The following RAP1GAP2 variants were observed in gnomAD, a reference collection of about 807,000 sequenced individuals.
RAP1GAP2 encodes the protein rap1 GTPase-activating protein 2.
In RAP1GAP2, 27 loss-of-function variants were observed where a neutral mutation model predicts 95.0. That is an observed-to-expected ratio of 0.28 (90% CI 0.21 to 0.39). The LOEUF is 0.39. RAP1GAP2 is among the 10% of genes least tolerant of loss of function. The pLI is 1.00. For missense variants in RAP1GAP2, 771 were observed against 970.0 expected, an observed-to-expected ratio of 0.79 and a Z score of 2.72; for synonymous variants, 373 against 380.9, an observed-to-expected ratio of 0.98 and a Z score of 0.24.
intron 4 of RAP1GAP2, among the ~76,000 whole-genome samples, chr17:2,961,828 C>T (rs1280436322): frequency 6.6e-6 from 1 of 151,922 alleles, no homozygotes. Context: ...AGCGCTGGCT[C>T]CGACACCAAC....
chr17:2,821,920 A>G (rs1057158027), intron 2 of RAP1GAP2, among the ~76,000 whole-genome samples: 1 of 152,154 alleles, frequency 6.6e-6, no homozygotes, highest in Non-Finnish European at 1.5e-5. Flanking sequence ...CAGAGAGTCT[A>G]TGCTGTCTAT....
rs1445444691 is a variant in RAP1GAP2, at chr17:3,037,368, C to CG, written c.*4007_*4008insG. 1 of 62,200 alleles carries CG rather than the reference C, an allele frequency of 1.6e-5. No homozygotes were observed. Among genetic ancestry groups the CG allele is most frequent in the Non-Finnish European group, 5.5e-5 (1 of 18,344 alleles). The allele number at this position is 62,200 out of a possible 1,614,324, so 3.9% of individuals were successfully genotyped here. ...TTCTGCTTGGAAGTGTGAACTACCC[C>CG]CCCCCCCCCGCTTCCTGCTCCTTAG... On this transcript the variant is annotated 3_prime_UTR_variant, in exon 25 of 25. Coordinates refer to ENST00000254695, the MANE Select transcript of RAP1GAP2 (RefSeq NM_015085.5).
intron 1 of RAP1GAP2, among the ~76,000 whole-genome samples, chr17:2,762,540 G>C (rs2071275010): frequency 6.6e-6 from 1 of 151,662 alleles, no homozygotes; most frequent in Non-Finnish European, 1.5e-5. Context: ...TGGGATTAGA[G>C]GTGCCCACAA....
chr17:2,796,743 C>T lies in RAP1GAP2; in HGVS notation c.44+172C>T, dbSNP rs1053677938. Reference sequence around the variant, plus strand: ...GGATCCTGGTGGGGACATCAGAGACCGTAAGCCTTCCCCACTGTCCCTGGG... The same window carrying T: ...GGATCCTGGTGGGGACATCAGAGACTGTAAGCCTTCCCCACTGTCCCTGGG... On this transcript the variant is annotated intron_variant, in intron 1 of 24. Transcript: ENST00000254695. This position sits in a 1 kb window ranked among gnomAD's most constrained non-coding sequence, Gnocchi z 4.7. Among the ~76,000 whole-genome samples the T allele has an allele frequency of 7.2e-5, 11 of 152,152 alleles. No homozygotes were observed. The highest frequency in any genetic ancestry group is 2.1e-4 in the South Asian group (1 of 4,828).
rs1327287039 is a variant in RAP1GAP2, at chr17:2,871,646, AC to A, written c.81-33636del. Among the ~76,000 whole-genome samples the A allele has an allele frequency of 2.6e-5, 4 of 152,110 alleles. No homozygotes were observed. Among genetic ancestry groups the A allele is most frequent in the African/African-American group, 9.7e-5 (4 of 41,412 alleles). The stretch of plus-strand genomic sequence containing the variant: ...GTGTTGGGTGAGCACGTGGACCCTC[AC>A]CTTCATGCTGATTTCATTGGGGTTC... On this transcript the variant is annotated intron_variant, in intron 2 of 24. Coordinates refer to ENST00000254695, the MANE Select transcript of RAP1GAP2 (RefSeq NM_015085.5). The surrounding 1 kb of genome is among the most constrained non-coding windows in gnomAD (Gnocchi z 5.0).
intron 3 of RAP1GAP2, among the ~76,000 whole-genome samples, chr17:2,954,080 A>G (rs1241143142): frequency 1.3e-5 from 2 of 152,098 alleles, no homozygotes; most frequent in Non-Finnish European, 2.9e-5. Context: ...AAATGGAATT[A>G]TGGTCCTTTA....
At chr17:2,960,692 A>C (rs1349539329) in intron 4 of RAP1GAP2, among the ~76,000 whole-genome samples, 1 of 152,174 alleles carries the variant, frequency 6.6e-6, no homozygotes, top group East Asian at 1.9e-4. Flanking sequence ...AAGTGCTGTG[A>C]GTTTCAAAGG....
chr17:2,822,855 A>T (rs1479965777), intron 2 of RAP1GAP2, among the ~76,000 whole-genome samples: 1 of 149,484 alleles, frequency 6.7e-6, no homozygotes, highest in Non-Finnish European at 1.5e-5. Flanking sequence ...ATCCCTCCCC[A>T]CTCCCCCCAG....
intron 3 of RAP1GAP2, among the ~76,000 whole-genome samples, chr17:2,910,577 C>A (rs1434484491): frequency 1.3e-5 from 2 of 152,100 alleles, no homozygotes; most frequent in Non-Finnish European, 2.9e-5. Context: ...CAGGGGCACC[C>A]CTTTGGTTGA....
intron 3 of RAP1GAP2, among the ~76,000 whole-genome samples, chr17:2,907,480 G>A (rs984107254): frequency 6.6e-6 from 1 of 152,088 alleles, no homozygotes; most frequent in Non-Finnish European, 1.5e-5. Flanking sequence ...AATAATGTCA[G>A]GAATGAGGGC....
At chr17:2,756,111 C>T (rs992244581) in intron 1 of RAP1GAP2, among the ~76,000 whole-genome samples, 9 of 152,242 alleles carry the variant, frequency 5.9e-5, no homozygotes, top group Admixed American at 1.3e-4. Context: ...CCCCTTCGCC[C>T]CCTTCAGGTT....
chr17:2,941,065 A>T (rs2043475561), intron 3 of RAP1GAP2, among the ~76,000 whole-genome samples: 1 of 152,184 alleles, frequency 6.6e-6, no homozygotes, highest in Non-Finnish European at 1.5e-5. Flanking sequence ...GGTATAGTGG[A>T]GAGTTTTAAG....
chr17:2,832,668 AT>A (rs2070940127), intron 2 of RAP1GAP2, among the ~76,000 whole-genome samples: 1 of 151,174 alleles, frequency 6.6e-6, no homozygotes, highest in Non-Finnish European at 1.5e-5. Flanking sequence ...TTTTCTAGAT[AT>A]TTAAACAGGG....
In RAP1GAP2 at chr17:2,963,488, C is replaced by T; in HGVS notation, c.279+26C>T. 3 of 1,613,750 alleles carry T rather than the reference C, an allele frequency of 1.9e-6. No homozygotes were observed. Among genetic ancestry groups the T allele is most frequent in the Non-Finnish European group, 2.5e-6 (3 of 1,179,724 alleles). ...GTAGGTGCCCTCCCCTCACTCCCACCTGCCCTGCAGCCTGCTCTGGGTCCC... is the reference window on the plus strand; with the variant it reads ...GTAGGTGCCCTCCCCTCACTCCCACTTGCCCTGCAGCCTGCTCTGGGTCCC... On this transcript the variant is annotated intron_variant, in intron 6 of 24. Transcript: ENST00000254695. This position sits in a 1 kb window ranked among gnomAD's most constrained non-coding sequence, Gnocchi z 4.8.
rs1309557607 is a variant in RAP1GAP2, at chr17:3,008,966, C to T, written c.1494+821C>T. Among the ~76,000 whole-genome samples the T allele has an allele frequency of 2.0e-5, 3 of 152,144 alleles. No individual in the cohort carries two copies. Among genetic ancestry groups the T allele is most frequent in the East Asian group, 1.9e-4 (1 of 5,196 alleles). On this transcript the variant is annotated intron_variant, in intron 17 of 24. Coordinates refer to ENST00000254695, the MANE Select transcript of RAP1GAP2 (RefSeq NM_015085.5). This position sits in a 1 kb window ranked among gnomAD's most constrained non-coding sequence, Gnocchi z 4.2. ...GGCAGAGTTAGAGCCTCATTTCAAA[C>T]GCAGGTCTTCTGATTCTTAGGTCCG...
At chr17:2,913,275 A>G (rs2042453935) in intron 3 of RAP1GAP2, among the ~76,000 whole-genome samples, 2 of 150,966 alleles carry the variant, frequency 1.3e-5, no homozygotes, top group East Asian at 2.0e-4. Flanking sequence ...GCATGTGCCT[A>G]TTTTCCCTAA....
In RAP1GAP2 at chr17:3,027,595, C is replaced by T. The variant is rs117662965; in HGVS notation, c.2107+525C>T. 4.2e-3 allele frequency among the ~76,000 whole-genome samples: 642 copies of T among 151,386 alleles called. 8 individuals are homozygous for T. The highest frequency in any genetic ancestry group is 0.031 in the South Asian group (150 of 4,804). ...TCACAGAGCCAGGCGTCAGAGAGGC[C>T]GGAGCGTTGACAGGCTGGGTCAGCC... On this transcript the variant is annotated intron_variant, in intron 22 of 24. Coordinates refer to ENST00000254695, the MANE Select transcript of RAP1GAP2 (RefSeq NM_015085.5). The surrounding 1 kb of genome is among the most constrained non-coding windows in gnomAD (Gnocchi z 5.2).
At chr17:2,994,647 A>G (rs916128506) in intron 12 of RAP1GAP2, among the ~76,000 whole-genome samples, 2 of 152,216 alleles carry the variant, frequency 1.3e-5, no homozygotes, top group African/African-American at 4.8e-5. Context: ...GGACTTGGAC[A>G]TGGCCTTGCA....
At chr17:2,849,929 G>A (rs940514393) in intron 2 of RAP1GAP2, among the ~76,000 whole-genome samples, 34 of 151,550 alleles carry the variant, frequency 2.2e-4, no homozygotes, top group South Asian at 4.2e-4. Flanking sequence ...GTTCTCTTTC[G>A]AACTGTGATT....
Sources: allele counts gnomAD v4.1 joint callset (sites outside exome capture counted in the v4.1 genomes callset), GRCh38; gene constraint gnomAD v4.1.1; non-coding constraint Gnocchi (gnomAD v3.1); transcripts MANE v1.5; gene names NCBI Gene and HGNC (gene_info 2026-07-23, HGNC 2026-07-21).